MNAT1: variants seen among roughly 807,000 people sequenced by gnomAD.
The protein encoded by MNAT1 is CDK-activating kinase assembly factor MAT1.
In MNAT1, 43 loss-of-function variants were observed where a neutral mutation model predicts 42.0. That is an observed-to-expected ratio of 1.02 (90% confidence interval 0.80 to 1.32). The LOEUF (loss-of-function observed/expected upper bound fraction) is 1.32, where lower values mean the gene tolerates loss of function less well. Ranked by LOEUF, MNAT1 falls within the 40% of genes most tolerant of loss-of-function variation. MNAT1 has a pLI of 0.00. For synonymous variants in MNAT1, 118 were observed against 120.0 expected (o/e 0.98, Z 0.11); for missense variants, 306 against 350.4 (o/e 0.87, Z 1.01).
In MNAT1 at chr14:60,893,844, A is replaced by AT. The variant is rs564934008; in HGVS notation, c.809+14010dup. Among the ~76,000 whole-genome samples the AT allele has an allele frequency of 3.1e-4, 47 of 152,190 alleles. 1 individual carries two copies. The South Asian group carries it at 9.4e-3, about 30-fold the overall frequency. ...AGATTGCCCTTGCTTTTTACTTAGA[A>AT]TAAGTCTTATGGTGGGAAGAAGGTT... On this transcript the variant is annotated intron_variant, in intron 7 of 7. Coordinates refer to ENST00000261245, the MANE Select transcript of MNAT1 (RefSeq NM_002431.4).
chr14:60,831,964 CATAA>C (rs1212299840), intron 6 of MNAT1, among the ~76,000 whole-genome samples: 1 of 152,170 alleles, frequency 6.6e-6, no homozygotes, highest in Non-Finnish European at 1.5e-5. Flanking sequence ...TTGTTGGCTG[CATAA>C]ATGTCTTGTT....
chr14:60,742,318 C>G (rs1490846573), intron 1 of MNAT1, among the ~76,000 whole-genome samples: 1 of 151,970 alleles, frequency 6.6e-6, no homozygotes, highest in African/African-American at 2.4e-5. Context: ...AAACTCCTGG[C>G]CTCAAGTGAT....
In MNAT1 at chr14:60,918,198, C is replaced by CTTTTTT. The variant is rs386381525; in HGVS notation, c.809+38386_809+38391dup. On this transcript the variant is annotated intron_variant, in intron 7 of 7. Transcript: ENST00000261245. ...AGAAGGATCAATCCAATTAATTGTT[C>CTTTTTT]TTTTTTTTTTTTTTTTTTTTTTTTT... 3.8e-3 allele frequency among the ~76,000 whole-genome samples: 187 copies of CTTTTTT among 48,622 alleles called. 48 individuals carry two copies. Among genetic ancestry groups the CTTTTTT allele is most frequent in the African/African-American group, 4.2e-3 (67 of 16,068 alleles). 31.9% of individuals were successfully genotyped at this position (48,622 alleles called of 152,430 possible).
At chr14:60,846,923 T>C (rs1022754064) in intron 6 of MNAT1, among the ~76,000 whole-genome samples, 1 of 152,242 alleles carries the variant, frequency 6.6e-6, no homozygotes, top group African/African-American at 2.4e-5. Flanking sequence ...CTATCAATTA[T>C]TGAGTGGAGT....
chr14:60,869,008 T>G (rs1164152180), intron 6 of MNAT1, among the ~76,000 whole-genome samples: 1 of 138,248 alleles, frequency 7.2e-6, no homozygotes, highest in Non-Finnish European at 1.6e-5. Flanking sequence ...CTTTTTTATA[T>G]TGTGTTATTT....
rs1491444247 is a variant in MNAT1, at chr14:60,746,897, C to CATATATGTATATATAT, written c.89+11952_89+11953insGTATATATATATATAT. ...GGGAATCCTTTTTAAAGATTCATTT[C>CATATATGTATATATAT]ATATATATATATATATATATATATA... On this transcript the variant is annotated intron_variant, in intron 1 of 7. Transcript: ENST00000261245. Among the ~76,000 whole-genome samples, 3 of 21,954 alleles carry CATATATGTATATATAT rather than the reference C, an allele frequency of 1.4e-4. 1 individual carries two copies. Among genetic ancestry groups the CATATATGTATATATAT allele is most frequent in the African/African-American group, 9.7e-4 (3 of 3,096 alleles). 14.4% of individuals were successfully genotyped at this position (21,954 alleles called of 152,430 possible).
rs1248664639 is a variant in MNAT1 at position 60,968,213 on chromosome 14, T to TCAACAAAA, written c.810-15_810-14insAACAAAAC. 1.9e-6 allele frequency: 3 copies of TCAACAAAA among 1,583,294 alleles called. No homozygotes were observed. The East Asian group carries it at 6.7e-5, about 35-fold the overall frequency. ...TTGCTTTGTATATCAATGCTACACT[T>TCAACAAAA]CTTGTTTTGTTTTAGGTATTTAAAC... On this transcript the variant is annotated splice_polypyrimidine_tract_variant and intron_variant, in intron 7 of 7. Coordinates refer to ENST00000261245, the MANE Select transcript of MNAT1 (RefSeq NM_002431.4).
rs2139327108 is a variant in MNAT1 at position 60,796,310 on chromosome 14, A to G, written c.183A>G (p.Gln61=). ...TPLRKSNFRV[Q]LFEDPTVDKE... Reference sequence around the variant, plus strand: ...TCAGAAAGAGCAACTTCAGGGTACAACTCTTTGAAGATCCCACTGTTGACA... The same window carrying G: ...TCAGAAAGAGCAACTTCAGGGTACAGCTCTTTGAAGATCCCACTGTTGACA... The change falls in exon 2 of 8, where the codon CAA becomes CAG. Residue 61 remains glutamine (Q), a synonymous_variant. Coordinates refer to ENST00000261245, the MANE Select transcript of MNAT1 (RefSeq NM_002431.4). 2 of 1,613,680 alleles carry G rather than the reference A, an allele frequency of 1.2e-6. No homozygotes were observed. Among genetic ancestry groups the G allele is most frequent in the Non-Finnish European group, 8.5e-7 (1 of 1,179,738 alleles).
chr14:60,903,107 C>T (rs1163371775), intron 7 of MNAT1, among the ~76,000 whole-genome samples: 1 of 144,222 alleles, frequency 6.9e-6, no homozygotes, highest in African/African-American at 2.5e-5. Context: ...AGTGTTTCAT[C>T]ATTAAGTATT....
chr14:60,770,281 C>T (rs1340802423), intron 1 of MNAT1, among the ~76,000 whole-genome samples: 1 of 152,064 alleles, frequency 6.6e-6, no homozygotes, highest in African/African-American at 2.4e-5. Context: ...TTAAAAGGTG[C>T]ATAATATTTC....
chr14:60,902,410 C>T (rs932634838), intron 7 of MNAT1, among the ~76,000 whole-genome samples: 5 of 152,038 alleles, frequency 3.3e-5, no homozygotes, highest in East Asian at 3.9e-4. Context: ...CTACTACAAG[C>T]GAGATAGGTT....
chr14:60,888,322 A>G (rs1247772419), intron 7 of MNAT1, among the ~76,000 whole-genome samples: 3 of 152,086 alleles, frequency 2.0e-5, no homozygotes, highest in African/African-American at 7.3e-5. Flanking sequence ...ATAATCCAGC[A>G]TATTAACAGA....
intron 7 of MNAT1, among the ~76,000 whole-genome samples, chr14:60,883,156 C>T (rs1220742769): frequency 6.6e-6 from 1 of 152,050 alleles, no homozygotes; most frequent in Admixed American, 6.6e-5. Flanking sequence ...TCTTTGCCCA[C>T]TCCAATATCC....
chr14:60,861,255 G>A (rs1454382364), intron 6 of MNAT1, among the ~76,000 whole-genome samples: 1 of 152,004 alleles, frequency 6.6e-6, no homozygotes, highest in African/African-American at 2.4e-5. Context: ...AATGTTTTCT[G>A]TTTTAGTAAT....
At chr14:60,878,262 AATG>A (rs1339281807) in intron 6 of MNAT1, among the ~76,000 whole-genome samples, 1 of 152,134 alleles carries the variant, frequency 6.6e-6, no homozygotes, top group Non-Finnish European at 1.5e-5. Flanking sequence ...TTTTGTAAGC[AATG>A]ATACCAGGCA....
At chr14:60,779,993 TC>T in intron 1 of MNAT1, 1 of 1,565,284 alleles carries the variant, frequency 6.4e-7, no homozygotes, top group Non-Finnish European at 8.8e-7. Flanking sequence ...GCTGCAGCTC[TC>T]CCGGGAGCAG....
At chr14:60,929,643 C>T (rs765393874) in intron 7 of MNAT1, among the ~76,000 whole-genome samples, 7 of 152,060 alleles carry the variant, frequency 4.6e-5, no homozygotes, top group Non-Finnish European at 1.0e-4. Context: ...GAGTCCTGAA[C>T]GTTTTCTTGA....
chr14:60,965,993 A>C (rs187352563), intron 7 of MNAT1, among the ~76,000 whole-genome samples: 89 of 152,318 alleles, frequency 5.8e-4, no homozygotes, highest in Middle Eastern at 3.4e-3. Flanking sequence ...CATGCATCAG[A>C]ATCTTAACAG....
chr14:60,862,219 T>C (rs1019507277), intron 6 of MNAT1, among the ~76,000 whole-genome samples: 10 of 152,334 alleles, frequency 6.6e-5, no homozygotes, highest in African/African-American at 2.2e-4. Context: ...AAAAGTCTTA[T>C]GATTTTTAAA....
Sources: allele counts gnomAD v4.1 joint callset (sites outside exome capture counted in the v4.1 genomes callset), GRCh38; gene constraint gnomAD v4.1.1; transcripts MANE v1.5; gene names NCBI Gene and HGNC (gene_info 2026-07-23, HGNC 2026-07-21).